Variants in TMPRSS4 observed in about 807,000 individuals in gnomAD.
The protein encoded by TMPRSS4 is transmembrane serine protease 4, also known as transmembrane protease serine 4.
TMPRSS4 carries 45 observed loss-of-function variants against 56.4 expected under a neutral mutation model. The observed-to-expected ratio is 0.80, with a 90% CI of 0.63 to 1.02. The LOEUF (loss-of-function observed/expected upper bound fraction) is 1.02, where lower values mean the gene tolerates loss of function less well. Among genes scored for constraint, TMPRSS4 ranks in the 50% least tolerant of loss-of-function variants. TMPRSS4 has a pLI of 0.00. For missense variants in TMPRSS4, 546 were observed against 556.7 expected (o/e 0.98, Z 0.19); for synonymous variants, 205 against 211.0 (o/e 0.97, Z 0.25).
intron 3 of TMPRSS4, among the ~76,000 whole-genome samples, chr11:118,102,112 T>C (rs1046450375): frequency 1.3e-5 from 2 of 152,116 alleles, no homozygotes; most frequent in African/African-American, 4.8e-5. Context: ...CACTGAGGTA[T>C]AAAGCCCAGC....
intron 1 of TMPRSS4, among the ~76,000 whole-genome samples, chr11:118,085,139 A>G (rs894516270): frequency 3.3e-5 from 5 of 152,070 alleles, no homozygotes; most frequent in Non-Finnish European, 7.4e-5. Flanking sequence ...TTGTACCCAC[A>G]TTCCAAAGAA....
intron 1 of TMPRSS4, among the ~76,000 whole-genome samples, chr11:118,080,730 CAG>C (rs1945059847): frequency 1.3e-5 from 2 of 152,262 alleles, no homozygotes; most frequent in East Asian, 1.9e-4. Flanking sequence ...AGACCCAAAA[CAG>C]AGCTGGGGAA....
In TMPRSS4 at chr11:118,117,956, C is replaced by T. The variant is rs369180959; in HGVS notation, c.*43C>T. 6.2e-7 allele frequency: 1 copy of T among 1,612,218 alleles called. No homozygotes were observed. Among genetic ancestry groups the T allele is most frequent in the African/African-American group, 1.3e-5 (1 of 75,010 alleles). On this transcript the variant is annotated 3_prime_UTR_variant, in exon 13 of 13. Transcript: ENST00000437212. ...AGTGCTGGGAGCCGCTTCCTTCCTG[C>T]CCTGCCCACCTGGGGATCCCCCAAA...
chr11:118,112,688 C>T (rs766368635), intron 8 of TMPRSS4, among the ~76,000 whole-genome samples: 7 of 152,014 alleles, frequency 4.6e-5, no homozygotes, highest in Non-Finnish European at 8.8e-5. Context: ...CCAGGGCATC[C>T]GGCTTTTATT....
chr11:118,102,173 C>T (rs1284483299), intron 3 of TMPRSS4, among the ~76,000 whole-genome samples: 1 of 152,094 alleles, frequency 6.6e-6, no homozygotes, highest in African/African-American at 2.4e-5. Flanking sequence ...CTCCCCCCGA[C>T]AGGCCCCAGT....
In TMPRSS4 at chr11:118,113,265, C is replaced by G. The variant is rs767139752; in HGVS notation, c.744-4C>G. On this transcript the variant is annotated splice_region_variant and splice_polypyrimidine_tract_variant and intron_variant, in intron 8 of 12. Transcript: ENST00000437212. Reference sequence around the variant, plus strand: ...GGCCTGAACCCAGCTGTCTCTACCCCCAGGAAACATACCGATGTGTTCAAC... The same window carrying G: ...GGCCTGAACCCAGCTGTCTCTACCCGCAGGAAACATACCGATGTGTTCAAC... The G allele has an allele frequency of 3.7e-6, 6 of 1,613,382 alleles. No homozygotes were observed. Among genetic ancestry groups the G allele is most frequent in the Admixed American group, 1.7e-5 (1 of 59,960 alleles).
intron 3 of TMPRSS4, 118 bp downstream of exon 3, chr11:118,099,216 G>C: frequency 6.5e-6 from 4 of 618,936 alleles, no homozygotes; most frequent in Admixed American, 3.1e-5. Flanking sequence ...CACCCCCTCA[G>C]TAAGAGGCAG....
chr11:118,082,233 C>T (rs560192618), intron 1 of TMPRSS4, among the ~76,000 whole-genome samples: 9 of 152,330 alleles, frequency 5.9e-5, no homozygotes, highest in African/African-American at 1.2e-4. Context: ...ATACAACTCT[C>T]TGAGACATTG....
chr11:118,086,227 C>G (rs896074795), intron 1 of TMPRSS4, among the ~76,000 whole-genome samples: 3 of 152,316 alleles, frequency 2.0e-5, no homozygotes, highest in African/African-American at 7.2e-5. Context: ...TGCCCGAACA[C>G]AAAAGCTGAT....
intron 7 of TMPRSS4, among the ~76,000 whole-genome samples, chr11:118,109,870 A>C (rs1280298094): frequency 1.3e-5 from 2 of 152,342 alleles, no homozygotes; most frequent in East Asian, 3.9e-4. Flanking sequence ...GGGATCTGAC[A>C]CGTGGTGGCT....
In TMPRSS4 at chr11:118,103,116, A is replaced by G. The variant is rs201029157; in HGVS notation, c.173A>G (p.Asp58Gly). The G allele has an allele frequency of 3.9e-5, 63 of 1,614,000 alleles. No homozygotes were observed. The highest frequency in any genetic ancestry group is 5.1e-5 in the Non-Finnish European group (60 of 1,180,020). The change falls in exon 4 of 13, where the codon GAT becomes GGT. Residue 58 changes from aspartate to glycine, a missense_variant. Physicochemically the swap from Asp to Gly is moderately conservative, Grantham distance 94. Transcript: ENST00000437212. Reference protein sequence around the residue: ...IVVVLIKVILDKYYFLCGQPL... With the variant: ...IVVVLIKVILGKYYFLCGQPL... Reference sequence around the variant, plus strand: ...TGCCTTCCAGTCAAGGTGATTCTGGATAAATACTACTTCCTCTGCGGGCAG... The same window carrying G: ...TGCCTTCCAGTCAAGGTGATTCTGGGTAAATACTACTTCCTCTGCGGGCAG...
intron 1 of TMPRSS4, among the ~76,000 whole-genome samples, chr11:118,085,902 C>T (rs1395793050): frequency 6.6e-6 from 1 of 152,186 alleles, no homozygotes; most frequent in Non-Finnish European, 1.5e-5. Context: ...GAAAGCTGAG[C>T]AAAGTAGAGC....
At chr11:118,098,050 G>A (rs934775039) in intron 2 of TMPRSS4, among the ~76,000 whole-genome samples, 3 of 152,166 alleles carry the variant, frequency 2.0e-5, no homozygotes, top group South Asian at 2.1e-4. Flanking sequence ...GATTACAGGC[G>A]TGAGCCACCG....
intron 1 of TMPRSS4, among the ~76,000 whole-genome samples, chr11:118,090,614 G>A (rs1171829125): frequency 1.0e-4 from 14 of 138,426 alleles, no homozygotes; most frequent in Admixed American, 4.3e-4. Context: ...TCATCTCTAC[G>A]AAAAAAAAAA....
intron 8 of TMPRSS4, among the ~76,000 whole-genome samples, chr11:118,113,038 G>A (rs890594366): frequency 1.3e-5 from 2 of 151,954 alleles, no homozygotes; most frequent in African/African-American, 2.4e-5. Context: ...CCTCCTTGAG[G>A]TTTCGTTGGG....
At chr11:118,108,318 T>A (rs1947102338) in intron 6 of TMPRSS4, 1 of 170,058 alleles carries the variant, frequency 5.9e-6, no homozygotes, top group Non-Finnish European at 1.3e-5. Flanking sequence ...GGGTGGCCTG[T>A]TCCTGAGCCT....
chr11:118,114,528 G>A (rs1281283134), intron 9 of TMPRSS4, among the ~76,000 whole-genome samples: 1 of 152,192 alleles, frequency 6.6e-6, no homozygotes, highest in African/African-American at 2.4e-5. Context: ...AATTCTCTAG[G>A]CTATAGATGT....
rs574128931 is a variant in TMPRSS4, at chr11:118,115,024, C to T, written c.1009+97C>T. On this transcript the variant is annotated intron_variant, in intron 10 of 12. Transcript: ENST00000437212. ...GAAGGAGGACCACCCTTCAGAGAAA[C>T]CCATCCTGGAGGACCAAGCACCAAG... 5.8e-6 allele frequency: 9 copies of T among 1,547,268 alleles called. No homozygotes were observed. The African/African-American group carries it at 1.1e-4, about 19-fold the overall frequency.
intron 1 of TMPRSS4, among the ~76,000 whole-genome samples, chr11:118,078,073 A>G (rs1376649422): frequency 2.7e-5 from 4 of 146,994 alleles, no homozygotes; most frequent in Non-Finnish European, 6.0e-5. Context: ...CAGTGCAGAG[A>G]TGCCTCCAAA....
Sources: gnomAD v4.1 joint callset for allele counts (sites outside exome capture counted in the v4.1 genomes callset) on GRCh38, gnomAD v4.1.1 for gene constraint, MANE v1.5 for transcripts, NCBI Gene and HGNC (gene_info 2026-07-23, HGNC 2026-07-21) for gene names.